The following SCUBE1 variants were observed in gnomAD, a reference collection of about 807,000 sequenced individuals.
SCUBE1 encodes signal peptide, CUB domain and EGF like domain containing 1.
Under a neutral mutation model 124.4 loss-of-function variants are expected in SCUBE1, and 59 were observed. The ratio of observed to expected loss-of-function variants is 0.47; its 90% CI spans 0.38 to 0.59. SCUBE1 has a LOEUF of 0.59. Ranked by LOEUF, SCUBE1 falls within the 20% of genes least tolerant of loss-of-function variation. The probability of loss-of-function intolerance (pLI) is 0.00; values close to 1 mark genes in which losing one functional copy is unlikely to be tolerated. For synonymous variants in SCUBE1, 545 were observed against 550.9 expected (o/e 0.99, Z 0.15); for missense variants, 1,150 against 1,371.2 (o/e 0.84, Z 2.55).
intron 4 of SCUBE1, among the ~76,000 whole-genome samples, chr22:43,275,449 G>A (rs961122750): frequency 3.3e-5 from 5 of 152,330 alleles, no homozygotes; most frequent in Non-Finnish European, 4.4e-5. Flanking sequence ...CATGCGGCAT[G>A]TTTTCCTCTG....
In SCUBE1 at chr22:43,212,515, C is replaced by T. The variant is rs996139048; in HGVS notation, c.2131G>A (p.Glu711Lys). 4.5e-6 allele frequency: 7 copies of T among 1,559,304 alleles called. No individual in the cohort carries two copies. In the East Asian group the frequency reaches 7.2e-5, roughly 16 times the overall value. Residue 711 changes from glutamate to lysine, a missense_variant, in exon 17 of 22, where the codon GAG becomes AAG. Glu to Lys is a moderately conservative substitution (Grantham distance 56). Transcript: ENST00000360835. ...QACPVGTYQPEPGRTGCFPCG... is the reference protein window; with the variant it reads ...QACPVGTYQPKPGRTGCFPCG... The stretch of plus-strand genomic sequence containing the variant: ...GGGAAGCAGCCGGTGCGCCCGGGCT[C>T]AGGCTGGTACGTGCCCACGGGGCAG...
chr22:43,301,153 T>C (rs927893830), intron 3 of SCUBE1, among the ~76,000 whole-genome samples: 4 of 152,202 alleles, frequency 2.6e-5, no homozygotes, highest in African/African-American at 7.2e-5. Flanking sequence ...CAATTCTGCC[T>C]GTGAAATTCA....
At chr22:43,278,539 T>C (rs897234315) in intron 4 of SCUBE1, among the ~76,000 whole-genome samples, 1 of 152,116 alleles carries the variant, frequency 6.6e-6, no homozygotes, top group Admixed American at 6.5e-5. Flanking sequence ...CCAGATCCTA[T>C]AGGAATCCCG....
intron 1 of SCUBE1, among the ~76,000 whole-genome samples, chr22:43,339,818 T>C (rs58238111): frequency 0.12 from 911 of 7,622 alleles, 42 homozygotes; most frequent in Middle Eastern, 0.38. Context: ...ACTCTCCTCA[T>C]TCTATCCCCC....
intron 3 of SCUBE1, among the ~76,000 whole-genome samples, chr22:43,315,111 T>C (rs1249912686): frequency 6.6e-6 from 1 of 152,054 alleles, no homozygotes; most frequent in African/African-American, 2.4e-5. Flanking sequence ...ACCAAACATG[T>C]CTGTGGGCCA....
chr22:43,262,608 C>T, intron 5 of SCUBE1, 112 bp downstream of exon 5: 1 of 1,292,694 alleles, frequency 7.7e-7, no homozygotes, highest in Non-Finnish European at 1.1e-6. Context: ...CTCTCCACCC[C>T]ATGGGGCTGG....
chr22:43,328,069 C>T (rs1464754331), intron 2 of SCUBE1, among the ~76,000 whole-genome samples: 1 of 152,204 alleles, frequency 6.6e-6, no homozygotes, highest in African/African-American at 2.4e-5. Context: ...GCCACCTGCC[C>T]AGCTTGGGGT....
At chr22:43,339,400 G>A (rs1927193233) in intron 1 of SCUBE1, among the ~76,000 whole-genome samples, 165 bp from the exon 2 acceptor site, 1 of 152,064 alleles carries the variant, frequency 6.6e-6, no homozygotes, top group African/African-American at 2.4e-5. Context: ...AGTGGCAACT[G>A]GTAGCATCTT....
In SCUBE1 at chr22:43,211,152, G is replaced by A; in HGVS notation, c.2222-69C>T. ...AGGGAAAGGGCAGCACTGGGGTGCT[G>A]TCCCCAGGACCTCTCATGCCCTCGA... On this transcript the variant is annotated intron_variant, in intron 17 of 21. Coordinates refer to ENST00000360835, the MANE Select transcript of SCUBE1 (RefSeq NM_173050.5). This position sits in a 1 kb window ranked among gnomAD's most constrained non-coding sequence, Gnocchi z 4.5. The A allele has an allele frequency of 5.3e-6, 8 of 1,495,990 alleles. No homozygotes were observed. Among genetic ancestry groups the A allele is most frequent in the Non-Finnish European group, 6.4e-6 (7 of 1,098,488 alleles). The allele number at this position is 1,495,990 out of a possible 1,614,324, so 92.7% of individuals were successfully genotyped here. A position where few individuals can be genotyped will look rare whatever the true frequency, so the allele number is the denominator to read the frequency against.
intron 16 of SCUBE1, chr22:43,213,014 C>T: frequency 4.5e-6 from 1 of 224,714 alleles, no homozygotes. Context: ...CCTGGTCTAC[C>T]AGCAGGGCCA....
At chr22:43,206,589 C>T (rs558435646) in intron 21 of SCUBE1, among the ~76,000 whole-genome samples, 4 of 152,180 alleles carry the variant, frequency 2.6e-5, no homozygotes, top group African/African-American at 9.6e-5. Flanking sequence ...CCGGGCAGGC[C>T]GCCCAGAGTA....
chr22:43,256,072 G>A (rs943159916), intron 6 of SCUBE1, among the ~76,000 whole-genome samples: 10 of 152,194 alleles, frequency 6.6e-5, no homozygotes, highest in African/African-American at 2.4e-4. Context: ...CAGAGGCTCC[G>A]TCACAGGGAC....
chr22:43,233,592 G>T (rs1163174684), intron 7 of SCUBE1: 1 of 152,248 alleles, frequency 6.6e-6, no homozygotes, highest in Non-Finnish European at 1.5e-5. Context: ...GAAGGGCCCT[G>T]TCCAGTGTCA....
chr22:43,268,381 G>A (rs1924158996), intron 4 of SCUBE1, among the ~76,000 whole-genome samples: 1 of 152,266 alleles, frequency 6.6e-6, no homozygotes. Context: ...TGGGAAGTGA[G>A]ATAGAATTTC....
Position 43,212,673 on chromosome 22 carries a change from T to G in SCUBE1, c.2054-81A>C, listed in dbSNP as rs1186173424. On this transcript the variant is annotated intron_variant, in intron 16 of 21. Transcript: ENST00000360835. ...TGTGGGTGGTCTCAGGCCCCGCTCT[T>G]GGCCCTTGCCCGGCCCTGGAAAAGG... 4 of 1,299,030 alleles carry G rather than the reference T, an allele frequency of 3.1e-6. No homozygotes were observed. The Admixed American group carries it at 1.1e-4, about 35-fold the overall frequency. 80.5% of individuals were successfully genotyped at this position (1,299,030 alleles called of 1,614,324 possible). A position where few individuals can be genotyped will look rare whatever the true frequency, so the allele number is the denominator to read the frequency against.
intron 3 of SCUBE1, among the ~76,000 whole-genome samples, chr22:43,300,273 G>A (rs890567203): frequency 2.0e-4 from 30 of 148,676 alleles, no homozygotes; most frequent in Non-Finnish European, 1.5e-5. Context: ...CCATATCCTC[G>A]CCAACACTTG....
At chr22:43,281,614 C>T (rs1190016656) in intron 4 of SCUBE1, among the ~76,000 whole-genome samples, 3 of 147,872 alleles carry the variant, frequency 2.0e-5, no homozygotes, top group Non-Finnish European at 4.4e-5. Context: ...TCACCTCCTC[C>T]TCAGCAACCC....
intron 3 of SCUBE1, among the ~76,000 whole-genome samples, chr22:43,302,042 T>C (rs938694826): frequency 2.6e-5 from 4 of 152,158 alleles, no homozygotes; most frequent in African/African-American, 4.8e-5. Flanking sequence ...TGGCTACCAG[T>C]GGGCCGTGGG....
chr22:43,245,064 G>C (rs780367847), intron 6 of SCUBE1, among the ~76,000 whole-genome samples: 12 of 152,248 alleles, frequency 7.9e-5, no homozygotes, highest in Non-Finnish European at 1.6e-4. Context: ...ATCGCTTTGG[G>C]ATAAAAGCCA....
Sources: gnomAD v4.1 joint callset for allele counts (sites outside exome capture counted in the v4.1 genomes callset) on GRCh38, gnomAD v4.1.1 for gene constraint, Gnocchi (gnomAD v3.1) non-coding constraint, MANE v1.5 for transcripts, NCBI Gene and HGNC (gene_info 2026-07-23, HGNC 2026-07-21) for gene names.